RPS6KB1: variants seen among roughly 807,000 people sequenced by gnomAD.
RPS6KB1 encodes the protein ribosomal protein S6 kinase beta-1.
Under a neutral mutation model 70.2 loss-of-function variants are expected in RPS6KB1, and 12 were observed. The ratio of observed to expected loss-of-function variants is 0.17; its 90% confidence interval spans 0.11 to 0.28. The LOEUF (loss-of-function observed/expected upper bound fraction) is 0.28, where lower values mean the gene tolerates loss of function less well. Among genes scored for constraint, RPS6KB1 ranks in the 10% least tolerant of loss-of-function variants. The pLI is 1.00. For missense variants in RPS6KB1, 270 were observed against 646.6 expected (o/e 0.42, Z 6.32); for synonymous variants, 175 against 211.2 (o/e 0.83, Z 1.49).
At chr17:59,925,810 C>CT (rs906198456) in intron 4 of RPS6KB1, among the ~76,000 whole-genome samples, 3 of 151,728 alleles carry the variant, frequency 2.0e-5, no homozygotes, top group Admixed American at 6.6e-5. Flanking sequence ...TCTTTTTTGT[C>CT]TTTTTTTTAC....
intron 4 of RPS6KB1, 74 bp downstream of exon 4, chr17:59,914,777 GCA>G: frequency 1.8e-6 from 2 of 1,106,308 alleles, no homozygotes; most frequent in East Asian, 2.4e-5. Context: ...AGGCTGGGAA[GCA>G]ATCATATCAT....
intron 2 of RPS6KB1, chr17:59,912,463 T>C (rs1051676776): frequency 9.3e-6 from 4 of 431,876 alleles, no homozygotes; most frequent in Non-Finnish European, 1.7e-5. Context: ...AATAAGTAAA[T>C]AATTGATTGC....
chr17:59,941,016 T>C, intron 13 of RPS6KB1, 73 bp downstream of exon 13: 2 of 934,824 alleles, frequency 2.1e-6, no homozygotes, highest in Non-Finnish European at 3.4e-6. Context: ...AAAATTCAGT[T>C]TGCTTGCTTT....
intron 12 of RPS6KB1, among the ~76,000 whole-genome samples, chr17:59,940,109 ACT>A (rs2044486838): frequency 6.6e-6 from 1 of 151,986 alleles, no homozygotes; most frequent in African/African-American, 2.4e-5. Flanking sequence ...TCATGTTTTA[ACT>A]CTGCTTCAGT....
intron 3 of RPS6KB1, 22 bp downstream of exon 3, chr17:59,912,826 A>C: frequency 6.2e-7 from 1 of 1,612,804 alleles, no homozygotes; most frequent in Non-Finnish European, 8.5e-7. Flanking sequence ...TTTTGAAATG[A>C]GAGCTGTTGT....
chr17:59,940,349 C>T (rs1336677948), intron 12 of RPS6KB1, among the ~76,000 whole-genome samples: 4 of 140,480 alleles, frequency 2.8e-5, no homozygotes, highest in African/African-American at 8.1e-5. Flanking sequence ...TGCAGTGGCA[C>T]GATCTCTGCT....
In RPS6KB1 at chr17:59,912,696, T is replaced by C. The variant is rs1189772213; in HGVS notation, c.204T>C (p.His68=). 4.3e-6 allele frequency: 7 copies of C among 1,613,328 alleles called. No homozygotes were observed. Among genetic ancestry groups the C allele is most frequent in the African/African-American group, 1.3e-5 (1 of 74,918 alleles). The change falls in exon 3 of 15, where the codon CAT becomes CAC. Residue 68 remains histidine, a synonymous_variant. Coordinates refer to ENST00000225577, the MANE Select transcript of RPS6KB1 (RefSeq NM_003161.4). The part of the protein sequence containing the change: ...GVGPYELGME[H]CEKFEISETS... The stretch of plus-strand genomic sequence containing the variant: ...CTTTTCTTCCCAGTGGCATGGAACA[T>C]TGTGAGAAATTTGAAATCTCAGAAA...
intron 13 of RPS6KB1, among the ~76,000 whole-genome samples, chr17:59,943,884 A>ATT (rs1355190978): frequency 7.6e-6 from 1 of 131,660 alleles, no homozygotes; most frequent in East Asian, 2.3e-4. Context: ...AAAAAAAAAA[A>ATT]AAAAATTATA....
chr17:59,941,874 T>C (rs2145049146), intron 13 of RPS6KB1, among the ~76,000 whole-genome samples: 1 of 150,362 alleles, frequency 6.7e-6, no homozygotes, highest in East Asian at 2.0e-4. Context: ...TTTTTTTTTT[T>C]TTGAGAAGGA....
At position 59,949,652 on chromosome 17, in the gene RPS6KB1, A is replaced by G. The variant is rs2045108898; in HGVS notation, c.*2864A>G. On this transcript the variant is annotated 3_prime_UTR_variant, in exon 15 of 15. Coordinates refer to ENST00000225577, the MANE Select transcript of RPS6KB1 (RefSeq NM_003161.4). ...AACTTTGAACCAGATTTTTAGGAAA[A>G]TTATGTTCTTTTTCCCCCTTTATGG... is the stretch of plus-strand genomic sequence containing the variant. 1 of 152,644 alleles carries G rather than the reference A, an allele frequency of 6.6e-6. No homozygotes were observed. 9.5% of individuals were successfully genotyped at this position (152,644 alleles called of 1,614,324 possible). A position where few individuals can be genotyped will look rare whatever the true frequency, so the allele number is the denominator to read the frequency against.
At chr17:59,942,100 C>T (rs558179402) in intron 13 of RPS6KB1, among the ~76,000 whole-genome samples, 10 of 152,022 alleles carry the variant, frequency 6.6e-5, no homozygotes, top group South Asian at 2.1e-4. Context: ...CCTCATGATC[C>T]GCCCGCCTTG....
intron 2 of RPS6KB1, among the ~76,000 whole-genome samples, chr17:59,911,443 C>T (rs560987805): frequency 5.3e-5 from 8 of 152,142 alleles, no homozygotes; most frequent in African/African-American, 1.9e-4. Flanking sequence ...TCACCACAAC[C>T]TCCACCTCCT....
chr17:59,906,310 GTTCTTT>G (rs2042261407), intron 1 of RPS6KB1, among the ~76,000 whole-genome samples: 1 of 152,058 alleles, frequency 6.6e-6, no homozygotes, highest in Admixed American at 6.6e-5. Context: ...CTCCACCTTT[GTTCTTT>G]TTCAAGATTG....
rs1598800370 is a variant in RPS6KB1, at chr17:59,934,326, G to T, written c.779+66G>T. 11 of 1,455,842 alleles carry T rather than the reference G, an allele frequency of 7.6e-6. No individual in the cohort carries two copies. In the South Asian group the frequency reaches 1.0e-4, roughly 14 times the overall value. 90.2% of individuals were successfully genotyped at this position (1,455,842 alleles called of 1,614,324 possible). On this transcript the variant is annotated intron_variant, in intron 8 of 14. Coordinates refer to ENST00000225577, the MANE Select transcript of RPS6KB1 (RefSeq NM_003161.4). This position sits in a 1 kb window ranked among gnomAD's most constrained non-coding sequence, Gnocchi z 4.8. ...CTAATTTTACCTGTTTTAAGGAATAGTATCTGTTTTCTGTACCCTCATTGA... is the reference window on the plus strand; with the variant it reads ...CTAATTTTACCTGTTTTAAGGAATATTATCTGTTTTCTGTACCCTCATTGA...
intron 7 of RPS6KB1, among the ~76,000 whole-genome samples, chr17:59,932,058 C>A (rs1482991682): frequency 6.6e-6 from 1 of 151,912 alleles, no homozygotes; most frequent in Admixed American, 6.6e-5. Context: ...TGGCTTGTTA[C>A]TTAAATTGAA....
chr17:59,893,956 C>T lies in RPS6KB1; in HGVS notation c.141+631C>T. 4 of 980,218 alleles carry T rather than the reference C, an allele frequency of 4.1e-6. No homozygotes were observed. The highest frequency in any genetic ancestry group is 9.4e-5 in the South Asian group (2 of 21,186). The allele number at this position is 980,218 out of a possible 1,614,324, so 60.7% of individuals were successfully genotyped here. A position where few individuals can be genotyped will look rare whatever the true frequency, so the allele number is the denominator to read the frequency against. On this transcript the variant is annotated intron_variant, in intron 1 of 14. Transcript: ENST00000225577. The surrounding 1 kb of genome is among the most constrained non-coding windows in gnomAD (Gnocchi z 4.1). ...TTGTTTGCTTTTTTTTTTTTACCCC[C>T]TTCCGTGTGACTTTTTAAAATAAGC...
chr17:59,927,342 C>G (rs934500663), intron 5 of RPS6KB1, among the ~76,000 whole-genome samples: 3 of 151,894 alleles, frequency 2.0e-5, no homozygotes, highest in Non-Finnish European at 4.4e-5. Flanking sequence ...ACTCGGCCTC[C>G]CAAAATGCTG....
intron 6 of RPS6KB1, chr17:59,930,910 T>C (rs1295903845): frequency 6.6e-6 from 1 of 152,388 alleles, no homozygotes; most frequent in African/African-American, 2.4e-5. Context: ...GTGCTGGCTG[T>C]GAAACTGCCT....
intron 4 of RPS6KB1, among the ~76,000 whole-genome samples, chr17:59,921,977 T>G (rs2043291141): frequency 6.6e-6 from 1 of 152,146 alleles, no homozygotes; most frequent in African/African-American, 2.4e-5. Flanking sequence ...ATTTGAGAGT[T>G]AACTGCAGAT....
Sources: gnomAD v4.1 joint callset for allele counts (sites outside exome capture counted in the v4.1 genomes callset) on GRCh38, gnomAD v4.1.1 for gene constraint, Gnocchi (gnomAD v3.1) non-coding constraint, MANE v1.5 for transcripts, NCBI Gene and HGNC (gene_info 2026-07-23, HGNC 2026-07-21) for gene names.